CFAP276: variants seen among roughly 807,000 people sequenced by gnomAD.
CFAP276 encodes the protein cilia- and flagella-associated protein 276.
the CFAP276 span, chr1:109,107,021 C>T: frequency 1.6e-4 from 263 of 1,613,362 alleles, no homozygotes; most frequent in Admixed American, 2.2e-4. Flanking sequence ...AGGTATCCTG[C>T]GTGGTTTTCT....
chr1:109,112,715 G>T, the CFAP276 span: 13 of 1,546,932 alleles, frequency 8.4e-6, no homozygotes, highest in East Asian at 2.2e-4. Flanking sequence ...GGGATGGGAG[G>T]CCCGCTCAGC....
chr1:109,112,586 G>C, the CFAP276 span: 5 of 1,549,912 alleles, frequency 3.2e-6, no homozygotes, highest in South Asian at 1.2e-5. Flanking sequence ...ATCTGCGCAA[G>C]AAACCACAGT....
At chr1:109,106,841 T>C in the CFAP276 span, 1 of 893,458 alleles carries the variant, frequency 1.1e-6, no homozygotes, top group Non-Finnish European at 1.7e-6. Flanking sequence ...TCTGTTCATC[T>C]TAGACAGTGA....
At chr1:109,111,472 C>A in the CFAP276 span, among the ~76,000 whole-genome samples, 46 of 141,496 alleles carry the variant, frequency 3.3e-4, no homozygotes, top group African/African-American at 7.5e-4. Context: ...GACCCTGTCT[C>A]AAAAAAAAAA....
the CFAP276 span, chr1:109,112,685 A>G: frequency 6.5e-7 from 1 of 1,550,018 alleles, no homozygotes; most frequent in Non-Finnish European, 8.7e-7. Flanking sequence ...GGCATGGCTA[A>G]ATGCCTAACT....
the CFAP276 span, chr1:109,113,563 G>C: frequency 1.3e-6 from 2 of 1,539,204 alleles, no homozygotes; most frequent in African/African-American, 1.4e-5. Context: ...CTAGCCGGTT[G>C]TAAAAGCACG....
At chr1:109,107,927 A>G in the CFAP276 span, 1 of 1,606,574 alleles carries the variant, frequency 6.2e-7, no homozygotes, top group Non-Finnish European at 8.5e-7. Context: ...GTACCTCGGG[A>G]TCAAAATAGT....
chr1:109,107,430 G>A, the CFAP276 span, among the ~76,000 whole-genome samples: 2 of 152,150 alleles, frequency 1.3e-5, no homozygotes, highest in Non-Finnish European at 2.9e-5. Context: ...AGAATGAGAA[G>A]GTTTGTAAAA....
At chr1:109,106,140 C>G in the CFAP276 span, 1 of 1,541,112 alleles carries the variant, frequency 6.5e-7, no homozygotes, top group Non-Finnish European at 8.9e-7. Flanking sequence ...AATTTCAGAT[C>G]GTTGGCCTTT....
chr1:109,112,666 C>T, the CFAP276 span: 1 of 1,550,398 alleles, frequency 6.4e-7, no homozygotes. Context: ...GAAAGGGTCC[C>T]GGGTGGGAGG....
chr1:109,108,218 C>T, the CFAP276 span, among the ~76,000 whole-genome samples: 1 of 152,186 alleles, frequency 6.6e-6, no homozygotes, highest in Non-Finnish European at 1.5e-5. Flanking sequence ...TCTCGGCTCA[C>T]TGCAACCTCT....
the CFAP276 span, chr1:109,106,146 C>A: frequency 4.0e-6 from 6 of 1,513,226 alleles, no homozygotes; most frequent in Admixed American, 1.8e-5. Flanking sequence ...AGATCGTTGG[C>A]CTTTTCTAGG....
the CFAP276 span, chr1:109,106,644 GAATTGGATCTTGGTTCTAGA>G: frequency 6.2e-7 from 1 of 1,613,838 alleles, no homozygotes; most frequent in Non-Finnish European, 8.5e-7. Flanking sequence ...ATTCTCCAGG[GAATTGGATCTTGGTTCTAGA>G]AGAAGGCATA....
the CFAP276 span, among the ~76,000 whole-genome samples, chr1:109,109,533 CTTTTTT>C: frequency 8.7e-6 from 1 of 114,950 alleles, no homozygotes; most frequent in African/African-American, 3.8e-5. Context: ...TGAGCCATAC[CTTTTTT>C]TTTTTTTTTT....
chr1:109,106,987 G>C, the CFAP276 span: 10 of 1,577,034 alleles, frequency 6.3e-6, no homozygotes, highest in Non-Finnish European at 7.8e-6. Flanking sequence ...GGCTGGAGAG[G>C]CTCTGCCTCT....
chr1:109,107,167 C>T, the CFAP276 span: 19 of 1,452,960 alleles, frequency 1.3e-5, no homozygotes, highest in South Asian at 2.2e-4. Context: ...CCACCTGTGT[C>T]CCTGCTCTAG....
the CFAP276 span, chr1:109,108,093 T>C: frequency 7.8e-7 from 1 of 1,284,840 alleles, no homozygotes; most frequent in East Asian, 2.3e-5. Flanking sequence ...GCCTTGCTGA[T>C]GTGGTTAGCT....
chr1:109,107,569 CAGTT>C, the CFAP276 span, among the ~76,000 whole-genome samples: 1 of 152,052 alleles, frequency 6.6e-6, no homozygotes, highest in Non-Finnish European at 1.5e-5. Context: ...AGTACTGAAG[CAGTT>C]AGGGACAGAC....
the CFAP276 span, chr1:109,113,498 C>G: frequency 2.4e-6 from 2 of 833,176 alleles, no homozygotes; most frequent in Non-Finnish European, 3.7e-6. Flanking sequence ...GAAATTGCGG[C>G]TAAGGCAAAC....
Sources: allele counts gnomAD v4.1 joint callset (sites outside exome capture counted in the v4.1 genomes callset), GRCh38; gene constraint gnomAD v4.1.1; transcripts MANE v1.5; gene names NCBI Gene and HGNC (gene_info 2026-07-23, HGNC 2026-07-21).